Variants in SMPX observed in about 807,000 individuals in gnomAD.
SMPX encodes small muscle protein X-linked, also known as small muscular protein.
SMPX carries 2 observed loss-of-function variants against 6.3 expected under a neutral mutation model. That is an observed-to-expected ratio of 0.32 (90% CI 0.13 to 0.99). The LOEUF is 0.99. Ranked by LOEUF, SMPX falls within the 50% of genes least tolerant of loss-of-function variation. The probability of loss-of-function intolerance (pLI) is 0.49; values close to 1 mark genes in which losing one functional copy is unlikely to be tolerated. For synonymous variants in SMPX, 32 were observed against 24.7 expected, an observed-to-expected ratio of 1.30 and a Z score of -0.88; for missense variants, 60 against 66.8, an observed-to-expected ratio of 0.90 and a Z score of 0.36.
intron 4 of SMPX, among the ~76,000 whole-genome samples, chrX:21,713,422 A>G (rs767806686): frequency 8.9e-6 from 1 of 111,900 alleles, no homozygotes; most frequent in African/African-American, 3.3e-5. Flanking sequence ...TAATAAAGAC[A>G]TACTCAAGAC....
intron 2 of SMPX, 77 bp downstream of exon 2, chrX:21,754,169 A>G: frequency 4.7e-6 from 4 of 854,860 alleles, no homozygotes; most frequent in Non-Finnish European, 7.0e-6. Context: ...CTTGAAGTTC[A>G]CCATCAGCTA....
chrX:21,726,997 A>C (rs771547358), intron 4 of SMPX, among the ~76,000 whole-genome samples: 8 of 112,303 alleles, frequency 7.1e-5, no homozygotes, highest in Non-Finnish European at 9.4e-5. Context: ...TTCCTGCTGC[A>C]ACCACTATGT....
chrX:21,752,275 A>C (rs1321386466), intron 2 of SMPX, among the ~76,000 whole-genome samples: 2 of 111,353 alleles, frequency 1.8e-5, no homozygotes, highest in Non-Finnish European at 3.8e-5. Flanking sequence ...AGGAAGAAAA[A>C]CCAACACACT....
At chrX:21,734,063 T>C (rs1024933008) in intron 4 of SMPX, among the ~76,000 whole-genome samples, 3 of 112,432 alleles carry the variant, frequency 2.7e-5, no homozygotes, top group African/African-American at 9.7e-5. Context: ...ATATCTTTAA[T>C]AATTAAGCTG....
At chrX:21,714,013 G>T (rs2092781560) in intron 4 of SMPX, among the ~76,000 whole-genome samples, 1 of 111,988 alleles carries the variant, frequency 8.9e-6, no homozygotes. Context: ...ATCCATGTAA[G>T]GCCTTTATTT....
chrX:21,752,246 G>A (rs904514712), intron 2 of SMPX, among the ~76,000 whole-genome samples: 2 of 110,343 alleles, frequency 1.8e-5, no homozygotes, highest in Admixed American at 1.9e-4. Flanking sequence ...GTAGATTTGA[G>A]GGAGGCCAGG....
chrX:21,731,699 A>ATGTGTAT (rs1555973422), intron 4 of SMPX, among the ~76,000 whole-genome samples: 6 of 90,019 alleles, frequency 6.7e-5, no homozygotes, highest in South Asian at 5.6e-4. Context: ...TGTACACATA[A>ATGTGTAT]ATGTGTATAT....
rs1217812956 is a variant in SMPX, at chrX:21,731,565, TGTGTA to T, written c.*14+5979_*14+5983del. 9.7e-4 allele frequency among the ~76,000 whole-genome samples: 43 copies of T among 44,381 alleles called. 1 individual carries two copies. Among genetic ancestry groups the T allele is most frequent in the East Asian group, 4.8e-3 (3 of 624 alleles). 38.5% of individuals were successfully genotyped at this position (44,381 alleles called of 115,157 possible). On this transcript the variant is annotated intron_variant, in intron 4 of 4. Transcript: ENST00000379494. The stretch of plus-strand genomic sequence containing the variant: ...TGTGTATGTGTATATATACACATTA[TGTGTA>T]TATGTGTATATGTGTATATGTACAC...
chrX:21,707,372 A>T (rs189283482), intron 4 of SMPX, among the ~76,000 whole-genome samples: 186 of 112,126 alleles, frequency 1.7e-3, no homozygotes, highest in African/African-American at 5.8e-3. Context: ...ATGTAAATGA[A>T]CTATGGGTAG....
At chrX:21,725,723 T>C (rs1480569215) in intron 4 of SMPX, among the ~76,000 whole-genome samples, 1 of 112,398 alleles carries the variant, frequency 8.9e-6, no homozygotes, top group Admixed American at 9.4e-5. Context: ...TCTCATGAAC[T>C]GGCTCAAGCT....
intron 4 of SMPX, among the ~76,000 whole-genome samples, chrX:21,712,386 G>T (rs777463539): frequency 1.1e-4 from 12 of 112,146 alleles, no homozygotes; most frequent in Non-Finnish European, 1.7e-4. Flanking sequence ...TTAAGTGCAG[G>T]ACCGGGATAA....
intron 3 of SMPX, among the ~76,000 whole-genome samples, 190 bp downstream of exon 3, chrX:21,743,560 C>T (rs1369367650): frequency 1.8e-5 from 2 of 111,888 alleles, no homozygotes; most frequent in Non-Finnish European, 3.8e-5. Flanking sequence ...AGGGAGAAGG[C>T]AGTGCGTTTC....
chrX:21,711,099 C>G (rs2092778243), intron 4 of SMPX, among the ~76,000 whole-genome samples: 1 of 111,891 alleles, frequency 8.9e-6, no homozygotes. Flanking sequence ...ACAAAGTCCC[C>G]AGACGGCCAG....
chrX:21,720,694 T>C (rs1484792073), intron 4 of SMPX, among the ~76,000 whole-genome samples: 1 of 111,752 alleles, frequency 8.9e-6, no homozygotes, highest in Admixed American at 9.5e-5. Flanking sequence ...TGGGCATTTA[T>C]GAAATGGGGA....
chrX:21,719,957 C>G (rs1386831374), intron 4 of SMPX, among the ~76,000 whole-genome samples: 6 of 111,982 alleles, frequency 5.4e-5, no homozygotes, highest in African/African-American at 2.0e-4. Context: ...AAAGCAAATA[C>G]TGAAATGTCA....
intron 4 of SMPX, among the ~76,000 whole-genome samples, chrX:21,712,195 T>C (rs752032176): frequency 7.1e-5 from 8 of 112,500 alleles, no homozygotes; most frequent in Non-Finnish European, 1.3e-4. Flanking sequence ...GGAACATTTT[T>C]TCCTAAATTG....
chrX:21,733,255 A>T (rs1317590424), intron 4 of SMPX, among the ~76,000 whole-genome samples: 2 of 111,928 alleles, frequency 1.8e-5, no homozygotes, highest in Admixed American at 1.9e-4. Context: ...ACTCATTCTC[A>T]TTTACTGCCC....
chrX:21,713,679 G>T (rs1656253018), intron 4 of SMPX, among the ~76,000 whole-genome samples: 1 of 111,622 alleles, frequency 9.0e-6, no homozygotes, highest in Non-Finnish European at 1.9e-5. Context: ...CTCCCACTGG[G>T]TCCCTCCCAT....
At chrX:21,731,455 A>T (rs533767713) in intron 4 of SMPX, among the ~76,000 whole-genome samples, 104 of 79,552 alleles carry the variant, frequency 1.3e-3, no homozygotes, top group African/African-American at 2.4e-3. Flanking sequence ...ACATACACAT[A>T]ATGTGTGTAT....
Sources: gnomAD v4.1 joint callset for allele counts (sites outside exome capture counted in the v4.1 genomes callset) on GRCh38, gnomAD v4.1.1 for gene constraint, MANE v1.5 for transcripts, NCBI Gene and HGNC (gene_info 2026-07-23, HGNC 2026-07-21) for gene names.